The following GPC6 variants were observed in gnomAD, a reference collection of about 807,000 sequenced individuals.
GPC6 encodes the protein glypican 6, also known as glypican-6.
GPC6 carries 14 observed loss-of-function variants against 55.2 expected under a neutral mutation model. The observed-to-expected ratio is 0.25, with a 90% CI of 0.17 to 0.40. The LOEUF (loss-of-function observed/expected upper bound fraction) is 0.40. Ranked by LOEUF, GPC6 falls within the 10% of genes least tolerant of loss-of-function variation. GPC6 has a pLI of 1.00. For synonymous variants in GPC6, 278 were observed against 259.6 expected, an observed-to-expected ratio of 1.07 and a Z score of -0.68; for missense variants, 641 against 708.5, an observed-to-expected ratio of 0.90 and a Z score of 1.08.
At chr13:94,152,389 G>A (rs1887772437) in intron 4 of GPC6, among the ~76,000 whole-genome samples, 1 of 152,070 alleles carries the variant, frequency 6.6e-6, no homozygotes, top group African/African-American at 2.4e-5. Flanking sequence ...TAAATTTGCT[G>A]CTTCTCAATC....
chr13:93,811,743 A>G (rs560677432), intron 2 of GPC6, among the ~76,000 whole-genome samples: 2 of 152,312 alleles, frequency 1.3e-5, no homozygotes, highest in South Asian at 4.1e-4. Flanking sequence ...TAAAATTATG[A>G]TCTAAATTAA....
intron 3 of GPC6, among the ~76,000 whole-genome samples, chr13:93,917,094 A>G (rs1877331161): frequency 6.6e-6 from 1 of 152,172 alleles, no homozygotes; most frequent in African/African-American, 2.4e-5. Flanking sequence ...GACATGAGAA[A>G]TGCTTTATTT....
At chr13:93,317,004 A>G (rs1253834372) in intron 1 of GPC6, among the ~76,000 whole-genome samples, 2 of 152,110 alleles carry the variant, frequency 1.3e-5, no homozygotes, top group Non-Finnish European at 2.9e-5. Context: ...TTGCAAGTCA[A>G]TAATTGTGAC....
At chr13:94,191,620 A>T (rs563738399) in intron 4 of GPC6, among the ~76,000 whole-genome samples, 129 of 152,238 alleles carry the variant, frequency 8.5e-4, no homozygotes, top group East Asian at 2.3e-3. Flanking sequence ...AAAAAAAAAA[A>T]AATAATAGTA....
chr13:94,111,279 T>A (rs914978115), intron 4 of GPC6, among the ~76,000 whole-genome samples: 6 of 151,842 alleles, frequency 4.0e-5, no homozygotes, highest in Non-Finnish European at 7.4e-5. Flanking sequence ...TCACATATGT[T>A]CCTCTGTTTC....
intron 3 of GPC6, among the ~76,000 whole-genome samples, chr13:93,977,465 GGGGTGT>G (rs1203338952): frequency 5.2e-5 from 6 of 115,338 alleles, no homozygotes; most frequent in East Asian, 2.6e-4. Context: ...AAGATGACAA[GGGGTGT>G]GTGTGTGTGT....
intron 2 of GPC6, among the ~76,000 whole-genome samples, chr13:93,825,531 T>C (rs540814286): frequency 3.9e-5 from 6 of 152,320 alleles, no homozygotes; most frequent in African/African-American, 1.4e-4. Flanking sequence ...ATAGGCCATT[T>C]GGGACCATGT....
chr13:93,539,494 G>A (rs1882199067), intron 1 of GPC6, among the ~76,000 whole-genome samples: 1 of 152,128 alleles, frequency 6.6e-6, no homozygotes, highest in African/African-American at 2.4e-5. Flanking sequence ...TTTTGGTTGT[G>A]TGTTTTAGGG....
chr13:93,451,268 C>A (rs1878212041), intron 1 of GPC6, among the ~76,000 whole-genome samples: 1 of 152,178 alleles, frequency 6.6e-6, no homozygotes, highest in African/African-American at 2.4e-5. Context: ...AAATGTATTG[C>A]AAATCTTTGA....
At chr13:93,697,065 A>G (rs932461961) in intron 2 of GPC6, among the ~76,000 whole-genome samples, 1 of 152,114 alleles carries the variant, frequency 6.6e-6, no homozygotes, top group African/African-American at 2.4e-5. Flanking sequence ...CCCAATTTGT[A>G]TAGGATTGCT....
intron 3 of GPC6, among the ~76,000 whole-genome samples, chr13:93,989,719 C>T (rs1881205755): frequency 6.6e-6 from 1 of 152,032 alleles, no homozygotes; most frequent in South Asian, 2.1e-4. Flanking sequence ...AAATTGAAGA[C>T]TGGTCGTTCT....
At chr13:94,275,816 A>G (rs1434216200) in intron 4 of GPC6, among the ~76,000 whole-genome samples, 1 of 152,192 alleles carries the variant, frequency 6.6e-6, no homozygotes, top group Non-Finnish European at 1.5e-5. Flanking sequence ...GCTTTTAAAC[A>G]TATTAAAAGA....
intron 1 of GPC6, among the ~76,000 whole-genome samples, chr13:93,530,069 A>G (rs901895411): frequency 6.6e-6 from 1 of 152,190 alleles, no homozygotes; most frequent in African/African-American, 2.4e-5. Flanking sequence ...GTTCGTAATT[A>G]CTAGTTTGGG....
upstream of GPC6, among the ~76,000 whole-genome samples, chr13:93,224,611 T>A (rs1875709887): frequency 6.6e-6 from 1 of 152,244 alleles, no homozygotes; most frequent in African/African-American, 2.4e-5. Flanking sequence ...ACCAGATGCC[T>A]GCTCCTCCAT....
At position 94,268,323 on chromosome 13, in the gene GPC6, A is replaced by G. The variant is rs533023538; in HGVS notation, c.878-18026A>G. On this transcript the variant is annotated intron_variant, in intron 4 of 8. Transcript: ENST00000377047. Reference sequence around the variant, plus strand: ...GCCAACACATTGAATATACATAGATATAATTCCTTTCTAGAACACATCAGC... The same window carrying G: ...GCCAACACATTGAATATACATAGATGTAATTCCTTTCTAGAACACATCAGC... 7.2e-5 allele frequency among the ~76,000 whole-genome samples: 11 copies of G among 152,374 alleles called. No homozygotes were observed. In the East Asian group the frequency reaches 1.7e-3, roughly 24 times the overall value.
chr13:93,652,954 A>G (rs1337635688), intron 2 of GPC6, among the ~76,000 whole-genome samples: 1 of 152,220 alleles, frequency 6.6e-6, no homozygotes, highest in Admixed American at 6.5e-5. Context: ...TTTTAAAAGC[A>G]TAACATTTAT....
At chr13:93,693,439 A>G (rs3858843) in intron 2 of GPC6, among the ~76,000 whole-genome samples, 22 of 149,330 alleles carry the variant, frequency 1.5e-4, no homozygotes, top group African/African-American at 3.0e-4. Flanking sequence ...ATGGAGATAT[A>G]TGTGTGTGTG....
At chr13:93,248,440 T>G (rs1400210896) in intron 1 of GPC6, among the ~76,000 whole-genome samples, 1 of 149,058 alleles carries the variant, frequency 6.7e-6, no homozygotes, top group African/African-American at 2.6e-5. Flanking sequence ...AAAAAGTGTT[T>G]TTTTTTTTTT....
intron 1 of GPC6, among the ~76,000 whole-genome samples, chr13:93,492,826 A>C (rs1880078945): frequency 6.6e-6 from 1 of 150,630 alleles, no homozygotes; most frequent in Admixed American, 6.6e-5. Context: ...GATTACATTT[A>C]TTGATTGGCA....
Sources: gnomAD v4.1 joint callset for allele counts (sites outside exome capture counted in the v4.1 genomes callset) on GRCh38, gnomAD v4.1.1 for gene constraint, MANE v1.5 for transcripts, NCBI Gene and HGNC (gene_info 2026-07-23, HGNC 2026-07-21) for gene names.